Variants in PCDHA3 observed in about 807,000 individuals in gnomAD.
The protein encoded by PCDHA3 is protocadherin alpha 3.
PCDHA3 carries 41 observed loss-of-function variants against 62.2 expected under a neutral mutation model. The ratio of observed to expected loss-of-function variants is 0.66; its 90% CI spans 0.51 to 0.86. The LOEUF (loss-of-function observed/expected upper bound fraction) is 0.86. PCDHA3 is among the 40% of genes least tolerant of loss of function. PCDHA3 has a pLI of 0.00. For synonymous variants in PCDHA3, 640 were observed against 555.4 expected (o/e 1.15, Z -2.14); for missense variants, 1,304 against 1,241.2 (o/e 1.05, Z -0.76).
intron 1 of PCDHA3, among the ~76,000 whole-genome samples, chr5:140,846,416 C>T (rs1275676707): frequency 1.5e-5 from 2 of 134,880 alleles, no homozygotes; most frequent in African/African-American, 5.4e-5. Context: ...GCTCTATCTC[C>T]CAGGCTGGAA....
chr5:140,863,834 A>G lies in PCDHA3; in HGVS notation c.2394+60243A>G, dbSNP rs868982708. The G allele has an allele frequency of 1.6e-5, 3 of 185,882 alleles. No homozygotes were observed. The East Asian group carries it at 3.9e-4, about 24-fold the overall frequency. The allele number at this position is 185,882 out of a possible 1,614,324, so 11.5% of individuals were successfully genotyped here. A position where few individuals can be genotyped will look rare whatever the true frequency, so the allele number is the denominator to read the frequency against. The stretch of plus-strand genomic sequence containing the variant: ...GCCAACATGGTGAAACTCCATCTCT[A>G]CTAAAGATATAAAAAAATTAGCTGG... On this transcript the variant is annotated intron_variant, in intron 1 of 3. Transcript: ENST00000522353.
At chr5:140,903,545 CTT>C (rs1410531246) in intron 1 of PCDHA3, among the ~76,000 whole-genome samples, 2 of 152,130 alleles carry the variant, frequency 1.3e-5, no homozygotes, top group East Asian at 3.8e-4. Flanking sequence ...GAGCAAGAAA[CTT>C]TTCTAATAAG....
chr5:140,835,058 C>G, intron 1 of PCDHA3: 1 of 1,218,396 alleles, frequency 8.2e-7, no homozygotes, highest in Non-Finnish European at 1.1e-6. Flanking sequence ...TGACTGGCAC[C>G]GTTCAATTAC....
At position 140,877,134 on chromosome 5, in the gene PCDHA3, C is replaced by A. The variant is rs1339173132; in HGVS notation, c.2394+73543C>A. 17 of 1,613,712 alleles carry A rather than the reference C, an allele frequency of 1.1e-5. No homozygotes were observed. Among genetic ancestry groups the A allele is most frequent in the Admixed American group, 6.7e-5 (4 of 60,000 alleles). ...GCAGCAACGTGACGCTGCAGGTGTTCGTGCTGGACGAGAACGACAACGCGC... is the reference window on the plus strand; with the variant it reads ...GCAGCAACGTGACGCTGCAGGTGTTAGTGCTGGACGAGAACGACAACGCGC... On this transcript the variant is annotated intron_variant, in intron 1 of 3. Transcript: ENST00000522353.
chr5:140,923,242 C>T (rs1302368115), intron 1 of PCDHA3, among the ~76,000 whole-genome samples: 1 of 151,762 alleles, frequency 6.6e-6, no homozygotes, highest in Non-Finnish European at 1.5e-5. Flanking sequence ...AAGTTTGAGA[C>T]CAGCTGGGCA....
At chr5:140,956,073 T>C (rs2095254120) in intron 1 of PCDHA3, among the ~76,000 whole-genome samples, 1 of 152,208 alleles carries the variant, frequency 6.6e-6, no homozygotes, top group South Asian at 2.1e-4. Context: ...TTTCCAGATA[T>C]AGGATCATGT....
At chr5:140,927,436 T>A (rs776039540) in intron 1 of PCDHA3, 1 of 1,614,132 alleles carries the variant, frequency 6.2e-7, no homozygotes, top group Non-Finnish European at 8.5e-7. Context: ...CGGCAGCGAA[T>A]ACCCGGAGTT....
intron 1 of PCDHA3, among the ~76,000 whole-genome samples, chr5:140,890,676 C>T (rs1377876863): frequency 3.3e-5 from 5 of 152,164 alleles, no homozygotes; most frequent in African/African-American, 1.2e-4. Flanking sequence ...AACCCTTCCT[C>T]CTTCTGGGAA....
intron 3 of PCDHA3, among the ~76,000 whole-genome samples, chr5:140,986,555 T>A (rs1554248143): frequency 6.6e-6 from 1 of 152,214 alleles, no homozygotes; most frequent in African/African-American, 2.4e-5. Context: ...GCCAGGCTGC[T>A]TTGTTATCTG....
intron 3 of PCDHA3, among the ~76,000 whole-genome samples, chr5:140,985,406 GA>G (rs1554247033): frequency 6.6e-6 from 1 of 152,136 alleles, no homozygotes; most frequent in Non-Finnish European, 1.5e-5. Flanking sequence ...TGTTCCCCTG[GA>G]AATGGAGTGA....
intron 1 of PCDHA3, chr5:140,863,343 G>A (rs781977341): frequency 6.7e-6 from 9 of 1,338,226 alleles, no homozygotes; most frequent in Non-Finnish European, 5.2e-6. Context: ...CGTTGCTGCT[G>A]TACACGACGC....
At chr5:140,914,997 G>A (rs548148626) in intron 1 of PCDHA3, among the ~76,000 whole-genome samples, 43 of 148,264 alleles carry the variant, frequency 2.9e-4, no homozygotes, top group African/African-American at 1.0e-3. Flanking sequence ...CCAGGCTGGA[G>A]TGCAGTGGCC....
chr5:140,855,778 TA>T, intron 1 of PCDHA3: 2 of 407,848 alleles, frequency 4.9e-6, no homozygotes, highest in Non-Finnish European at 8.8e-6. Context: ...TAAAAATACG[TA>T]AAAAAAGAAT....
chr5:140,821,586 T>C (rs1581772616), intron 1 of PCDHA3: 1 of 645,184 alleles, frequency 1.5e-6, no homozygotes. Context: ...TTTTCTCCCT[T>C]CCCAGCCTCA....
At chr5:140,855,521 G>A (rs1349311147) in intron 1 of PCDHA3, among the ~76,000 whole-genome samples, 1 of 149,904 alleles carries the variant, frequency 6.7e-6, no homozygotes, top group Admixed American at 6.7e-5. Context: ...AAAATAATGA[G>A]AAAGAGAAGT....
chr5:140,926,903 G>GT, intron 1 of PCDHA3: 1 of 1,558,060 alleles, frequency 6.4e-7, no homozygotes, highest in Non-Finnish European at 8.7e-7. Context: ...ATGGTGGGCT[G>GT]TGGGGTGGCA....
intron 1 of PCDHA3, among the ~76,000 whole-genome samples, chr5:140,806,294 A>G (rs782082165): frequency 1.1e-4 from 16 of 152,232 alleles, no homozygotes; most frequent in Non-Finnish European, 2.2e-4. Context: ...TATAAGCACT[A>G]TAGGAGAAAA....
intron 1 of PCDHA3, chr5:140,823,050 C>G: frequency 6.2e-7 from 1 of 1,614,184 alleles, no homozygotes; most frequent in Non-Finnish European, 8.5e-7. Context: ...TGGTGGTGAC[C>G]GCGCGGGACG....
At chr5:140,918,941 T>C (rs1476342004) in intron 1 of PCDHA3, among the ~76,000 whole-genome samples, 1 of 152,228 alleles carries the variant, frequency 6.6e-6, no homozygotes, top group East Asian at 1.9e-4. Context: ...TTTGTTATAA[T>C]ATCCTGAACA....
Sources: allele counts gnomAD v4.1 joint callset (sites outside exome capture counted in the v4.1 genomes callset), GRCh38; gene constraint gnomAD v4.1.1; transcripts MANE v1.5; gene names NCBI Gene and HGNC (gene_info 2026-07-23, HGNC 2026-07-21).